CTIF: variants seen among roughly 807,000 people sequenced by gnomAD.
CTIF encodes CBP80/20-dependent translation initiation factor.
A neutral mutation model predicts 66.0 loss-of-function variants in CTIF; 21 were observed. The ratio of observed to expected loss-of-function variants is 0.32; its 90% confidence interval spans 0.23 to 0.46. CTIF has a LOEUF of 0.46. Ranked by LOEUF, CTIF falls within the 20% of genes least tolerant of loss-of-function variation. CTIF has a pLI of 1.00. For missense variants in CTIF, 739 were observed against 812.7 expected, an observed-to-expected ratio of 0.91 and a Z score of 1.10; for synonymous variants, 345 against 326.4, an observed-to-expected ratio of 1.06 and a Z score of -0.62.
chr18:48,734,803 A>G (rs1307624961), intron 7 of CTIF, among the ~76,000 whole-genome samples: 4 of 152,126 alleles, frequency 2.6e-5, no homozygotes, highest in Non-Finnish European at 2.9e-5. Flanking sequence ...TCAGGAAGGG[A>G]GGCTCTGTGA....
chr18:48,712,716 G>T (rs1163978104), intron 7 of CTIF, among the ~76,000 whole-genome samples: 1 of 152,210 alleles, frequency 6.6e-6, no homozygotes, highest in Non-Finnish European at 1.5e-5. Flanking sequence ...CCCTAGCGGC[G>T]CCTGTGCTCA....
chr18:48,604,181 T>TG (rs1459251729), intron 1 of CTIF, among the ~76,000 whole-genome samples: 14 of 124,742 alleles, frequency 1.1e-4, no homozygotes, highest in Non-Finnish European at 3.4e-5. Context: ...TTTTTTTTTT[T>TG]TTTTTTTTTT....
At chr18:48,651,125 A>G (rs543115939) in intron 3 of CTIF, among the ~76,000 whole-genome samples, 1 of 152,340 alleles carries the variant, frequency 6.6e-6, no homozygotes, top group African/African-American at 2.4e-5. Context: ...TAATGACAGG[A>G]TCAAATTCAC....
intron 1 of CTIF, chr18:48,539,685 G>C (rs1300347285): frequency 6.6e-6 from 1 of 152,606 alleles, no homozygotes; most frequent in Non-Finnish European, 1.5e-5. Context: ...CGGTGTAGCC[G>C]CTGTCATGTG....
chr18:48,847,791 G>A (rs1238328181), intron 10 of CTIF, among the ~76,000 whole-genome samples: 1 of 152,190 alleles, frequency 6.6e-6, no homozygotes, highest in Admixed American at 6.5e-5. Context: ...GGCATGCCAG[G>A]GGCTGGTCTT....
chr18:48,736,502 T>C (rs2092504850), intron 7 of CTIF, among the ~76,000 whole-genome samples: 1 of 152,186 alleles, frequency 6.6e-6, no homozygotes, highest in Non-Finnish European at 1.5e-5. Context: ...ACTGCCGCCT[T>C]GGGATGCCCA....
At chr18:48,586,322 G>A (rs542134209) in intron 1 of CTIF, among the ~76,000 whole-genome samples, 29 of 150,954 alleles carry the variant, frequency 1.9e-4, no homozygotes, top group African/African-American at 7.1e-4. Flanking sequence ...TGTTGCCCAG[G>A]CTGGAGTGCA....
chr18:48,784,824 G>T (rs978529652), intron 9 of CTIF, among the ~76,000 whole-genome samples: 3 of 152,172 alleles, frequency 2.0e-5, no homozygotes, highest in African/African-American at 4.8e-5. Flanking sequence ...CAGGAGGACC[G>T]CTGGGCAGAG....
intron 6 of CTIF, among the ~76,000 whole-genome samples, chr18:48,672,286 G>T (rs2091548665): frequency 1.3e-5 from 2 of 151,960 alleles, no homozygotes; most frequent in Admixed American, 6.6e-5. Context: ...CACTCGTCTG[G>T]CCTTGGGTCC....
intron 6 of CTIF, among the ~76,000 whole-genome samples, chr18:48,691,214 C>T (rs1024827398): frequency 6.6e-6 from 1 of 152,218 alleles, no homozygotes; most frequent in Non-Finnish European, 1.5e-5. Context: ...AGTCTCCCGG[C>T]ATTTCCAACT....
intron 1 of CTIF, among the ~76,000 whole-genome samples, chr18:48,608,837 G>A (rs73443344): frequency 0.031 from 4,644 of 152,262 alleles, 233 homozygotes; most frequent in African/African-American, 0.1. Context: ...GAGGGAGAAA[G>A]CTGACTGGGG....
At chr18:48,572,326 G>A (rs2089435070) in intron 1 of CTIF, among the ~76,000 whole-genome samples, 1 of 152,122 alleles carries the variant, frequency 6.6e-6, no homozygotes, top group African/African-American at 2.4e-5. Flanking sequence ...GCAAGCAGCT[G>A]GGCACCATAG....
At chr18:48,694,005 C>A (rs1462151611) in intron 6 of CTIF, among the ~76,000 whole-genome samples, 2 of 152,228 alleles carry the variant, frequency 1.3e-5, no homozygotes, top group Non-Finnish European at 2.9e-5. Context: ...ACATTTTGGA[C>A]TTTGTGTAAA....
chr18:48,791,955 G>A lies in CTIF; in HGVS notation c.1372-25266G>A, dbSNP rs116939736. ...ACTCCATGAATTCAAGGCCTACCAC[G>A]TGCCAGGCCCTGGGCTATGGTGGGA... On this transcript the variant is annotated intron_variant, in intron 9 of 11. Transcript: ENST00000256413. 8.9e-4 allele frequency among the ~76,000 whole-genome samples: 136 copies of A among 152,126 alleles called. 1 individual carries two copies. The East Asian group carries it at 0.023, about 26-fold the overall frequency.
intron 1 of CTIF, among the ~76,000 whole-genome samples, chr18:48,543,141 GC>G: frequency 6.6e-6 from 1 of 152,316 alleles, no homozygotes; most frequent in Non-Finnish European, 1.5e-5. Context: ...TCTGTTTTGG[GC>G]TCCATTGCCC....
chr18:48,700,618 G>C (rs1265516184), intron 6 of CTIF, among the ~76,000 whole-genome samples: 1 of 152,260 alleles, frequency 6.6e-6, no homozygotes, highest in Non-Finnish European at 1.5e-5. Flanking sequence ...ATGAGCTGCA[G>C]CAGAGTGTGC....
chr18:48,553,319 G>A (rs567465330), intron 1 of CTIF, among the ~76,000 whole-genome samples: 202 of 152,268 alleles, frequency 1.3e-3, no homozygotes, highest in African/African-American at 4.1e-3. Flanking sequence ...AGCCTCATTC[G>A]CACCAGAGAG....
rs1011416554 is a variant in CTIF, at chr18:48,710,980, A to G, written c.508-639A>G. On this transcript the variant is annotated intron_variant, in intron 6 of 11. Coordinates refer to ENST00000256413, the MANE Select transcript of CTIF (RefSeq NM_014772.3). Reference sequence around the variant, plus strand: ...AAACAAGACCCTGTCTCAAATAATAATAATAATGATGATAGTAATGCTGAA... The same window carrying G: ...AAACAAGACCCTGTCTCAAATAATAGTAATAATGATGATAGTAATGCTGAA... Among the ~76,000 whole-genome samples the G allele has an allele frequency of 1.6e-4, 25 of 152,140 alleles. 1 individual carries two copies. Among genetic ancestry groups the G allele is most frequent in the Admixed American group, 1.4e-3 (21 of 15,276 alleles).
At chr18:48,751,560 C>T (rs966853487) in intron 7 of CTIF, among the ~76,000 whole-genome samples, 11 of 152,190 alleles carry the variant, frequency 7.2e-5, no homozygotes, top group African/African-American at 2.7e-4. Flanking sequence ...GAAGTGGATG[C>T]TTTGGGAGCA....
Sources: gnomAD v4.1 joint callset for allele counts (sites outside exome capture counted in the v4.1 genomes callset) on GRCh38, gnomAD v4.1.1 for gene constraint, MANE v1.5 for transcripts, NCBI Gene and HGNC (gene_info 2026-07-23, HGNC 2026-07-21) for gene names.